ANK2: variants seen among roughly 807,000 people sequenced by gnomAD.
The protein encoded by ANK2 is ankyrin 2.
Under a neutral mutation model 360.5 loss-of-function variants are expected in ANK2, and 83 were observed. The observed-to-expected ratio is 0.23, with a 90% CI of 0.19 to 0.28. The LOEUF (loss-of-function observed/expected upper bound fraction) is 0.28. Among genes scored for constraint, ANK2 ranks in the 10% least tolerant of loss-of-function variants. The probability of loss-of-function intolerance (pLI) is 1.00; values close to 1 mark genes in which losing one functional copy is unlikely to be tolerated. For synonymous variants in ANK2, 1,740 were observed against 1,759.5 expected, an observed-to-expected ratio of 0.99 and a Z score of 0.28; for missense variants, 4,201 against 4,795.7, an observed-to-expected ratio of 0.88 and a Z score of 3.66.
chr4:112,825,499 T>C (rs2058226101), intron 1 of ANK2, among the ~76,000 whole-genome samples: 1 of 152,220 alleles, frequency 6.6e-6, no homozygotes, highest in African/African-American at 2.4e-5. Flanking sequence ...TTCATCCAAC[T>C]AAACTGGTTT....
intron 31 of ANK2, 102 bp downstream of exon 31, chr4:113,336,883 A>G: frequency 9.2e-7 from 1 of 1,091,502 alleles, no homozygotes; most frequent in Non-Finnish European, 1.4e-6. Flanking sequence ...GCAGGGTCAT[A>G]TGCATTAATT....
At chr4:112,895,106 G>C (rs1580707079) in intron 1 of ANK2, among the ~76,000 whole-genome samples, 1 of 152,086 alleles carries the variant, frequency 6.6e-6, no homozygotes. Flanking sequence ...ATGGCCTAAG[G>C]GTAACTTAGT....
intron 2 of ANK2, among the ~76,000 whole-genome samples, chr4:112,977,897 G>A (rs1224229543): frequency 6.6e-6 from 1 of 152,100 alleles, no homozygotes; most frequent in Non-Finnish European, 1.5e-5. Flanking sequence ...CATGTCCCTG[G>A]AATGAATGAA....
At chr4:112,722,236 G>C in the ANK2 span, among the ~76,000 whole-genome samples, 1 of 152,078 alleles carries the variant, frequency 6.6e-6, no homozygotes, top group Admixed American at 6.6e-5. Flanking sequence ...AGCCCCCAAA[G>C]CATACGAATT....
intron 13 of ANK2, among the ~76,000 whole-genome samples, chr4:113,262,122 T>A (rs1473227044): frequency 6.6e-6 from 1 of 152,222 alleles, no homozygotes; most frequent in African/African-American, 2.4e-5. Flanking sequence ...CTCTTTGACT[T>A]TTAACTTCTT....
chr4:112,731,464 C>G, the ANK2 span, among the ~76,000 whole-genome samples: 3 of 152,014 alleles, frequency 2.0e-5, no homozygotes, highest in Non-Finnish European at 4.4e-5. Flanking sequence ...TGGCTCATGC[C>G]TGTAATCCCA....
chr4:113,263,319 C>T (rs1161690498), intron 13 of ANK2, among the ~76,000 whole-genome samples: 1 of 150,078 alleles, frequency 6.7e-6, no homozygotes, highest in Non-Finnish European at 1.5e-5. Context: ...CATCTAAAGT[C>T]TGAAGATAAA....
At chr4:112,926,483 A>G (rs527625067) in intron 2 of ANK2, among the ~76,000 whole-genome samples, 1 of 152,334 alleles carries the variant, frequency 6.6e-6, no homozygotes, top group African/African-American at 2.4e-5. Flanking sequence ...ATGTCAGCAT[A>G]AATTATCAAA....
At chr4:113,185,050 G>T (rs2098491099) in intron 2 of ANK2, among the ~76,000 whole-genome samples, 1 of 152,028 alleles carries the variant, frequency 6.6e-6, no homozygotes. Flanking sequence ...CTTTTTTATG[G>T]CTGCATAGTA....
the ANK2 span, among the ~76,000 whole-genome samples, chr4:112,738,347 G>T: frequency 2.6e-5 from 4 of 151,412 alleles, no homozygotes; most frequent in Non-Finnish European, 4.4e-5. Context: ...GGGAGGCAGA[G>T]GTTGCAGTGA....
intron 1 of ANK2, among the ~76,000 whole-genome samples, chr4:112,841,855 T>C (rs2352024): frequency 0.73 from 110,777 of 152,076 alleles, 41,283 homozygotes; most frequent in East Asian, 0.97. Flanking sequence ...AAATGACTGT[T>C]GACCCCACTG....
the ANK2 span, among the ~76,000 whole-genome samples, chr4:112,811,280 T>A: frequency 1.3e-5 from 2 of 152,112 alleles, no homozygotes; most frequent in Non-Finnish European, 2.9e-5. Flanking sequence ...CCTTCTGGAT[T>A]TATATGATTG....
chr4:112,927,679 C>T (rs1418080080), intron 2 of ANK2, among the ~76,000 whole-genome samples: 2 of 152,172 alleles, frequency 1.3e-5, no homozygotes, highest in Admixed American at 1.3e-4. Context: ...CCATTGGTTA[C>T]ATCATAGTCA....
chr4:113,094,510 T>C (rs1331158874), intron 1 of ANK2, among the ~76,000 whole-genome samples: 1 of 146,524 alleles, frequency 6.8e-6, no homozygotes, highest in Non-Finnish European at 1.6e-5. Context: ...GAAAAGAGGG[T>C]GCAGCACGTG....
chr4:113,352,099 C>G (rs2095448018), intron 37 of ANK2, among the ~76,000 whole-genome samples: 1 of 151,852 alleles, frequency 6.6e-6, no homozygotes, highest in Non-Finnish European at 1.5e-5. Context: ...TAAATTCCCG[C>G]CATCCTCCTG....
At chr4:113,292,824 C>T (rs536671014) in intron 21 of ANK2, among the ~76,000 whole-genome samples, 1 of 152,130 alleles carries the variant, frequency 6.6e-6, no homozygotes, top group Non-Finnish European at 1.5e-5. Context: ...ATTGACCCCC[C>T]CTCGCCTTCT....
At chr4:113,208,512 A>AT (rs994455393) in intron 4 of ANK2, among the ~76,000 whole-genome samples, 10 of 151,444 alleles carry the variant, frequency 6.6e-5, no homozygotes, top group South Asian at 4.2e-4. Flanking sequence ...ATTTTATTTT[A>AT]TTTTTTTTGA....
the ANK2 span, among the ~76,000 whole-genome samples, chr4:112,728,129 C>A: frequency 1.3e-5 from 2 of 151,214 alleles, no homozygotes; most frequent in African/African-American, 4.9e-5. Flanking sequence ...CCCGTCTCTA[C>A]TAAAAATACA....
At chr4:112,712,468 C>T in the ANK2 span, among the ~76,000 whole-genome samples, 4 of 135,070 alleles carry the variant, frequency 3.0e-5, no homozygotes, top group Admixed American at 8.7e-5. Context: ...AGTGCAGTGG[C>T]GTGATCTCGG....
Sources: gnomAD v4.1 joint callset for allele counts (sites outside exome capture counted in the v4.1 genomes callset) on GRCh38, gnomAD v4.1.1 for gene constraint, MANE v1.5 for transcripts, NCBI Gene and HGNC (gene_info 2026-07-23, HGNC 2026-07-21) for gene names.